The following ZNF277 variants were observed in gnomAD, a reference collection of about 807,000 sequenced individuals.
The protein encoded by ZNF277 is nuclear receptor-interacting factor 4.
Under a neutral mutation model 60.7 loss-of-function variants are expected in ZNF277, and 55 were observed. That is an observed-to-expected ratio of 0.91 (90% CI 0.73 to 1.13). The LOEUF is 1.13. Ranked by LOEUF, ZNF277 falls within the 50% of genes most tolerant of loss-of-function variation. ZNF277 has a pLI of 0.00. For missense variants in ZNF277, 510 were observed against 523.0 expected (o/e 0.98, Z 0.24); for synonymous variants, 178 against 179.3 (o/e 0.99, Z 0.06).
intron 1 of ZNF277, among the ~76,000 whole-genome samples, chr7:112,256,805 T>A (rs1389063407): frequency 6.6e-6 from 1 of 152,022 alleles, no homozygotes; most frequent in Non-Finnish European, 1.5e-5. Flanking sequence ...GCTTGAGAGG[T>A]TTAGTACCAT....
chr7:112,224,215 G>T (rs1269709588), intron 1 of ZNF277, among the ~76,000 whole-genome samples: 1 of 152,170 alleles, frequency 6.6e-6, no homozygotes, highest in Non-Finnish European at 1.5e-5. Flanking sequence ...CTATCTTTTG[G>T]CTTCCCTGGG....
intron 1 of ZNF277, among the ~76,000 whole-genome samples, chr7:112,260,274 G>T (rs1261833637): frequency 1.3e-5 from 2 of 152,076 alleles, no homozygotes; most frequent in African/African-American, 4.8e-5. Flanking sequence ...TCAAAAAACT[G>T]CTTCTACAGC....
chr7:112,249,998 A>T (rs975298268), intron 1 of ZNF277, among the ~76,000 whole-genome samples: 6 of 152,222 alleles, frequency 3.9e-5, no homozygotes, highest in African/African-American at 1.4e-4. Context: ...TAAGAGAGAT[A>T]ACCTTAAACT....
chr7:112,327,293 G>T (rs1049023696), intron 5 of ZNF277, among the ~76,000 whole-genome samples: 2 of 152,110 alleles, frequency 1.3e-5, no homozygotes, highest in Non-Finnish European at 2.9e-5. Flanking sequence ...TAGATCCCTC[G>T]CATGCACAGT....
Position 112,327,792 on chromosome 7 carries a change from T to C in ZNF277, c.633T>C (p.Asn211=), listed in dbSNP as rs1262613665. 3 of 1,612,054 alleles carry C rather than the reference T, an allele frequency of 1.9e-6. No homozygotes were observed. The highest frequency in any genetic ancestry group is 2.7e-5 in the African/African-American group (2 of 74,984). ...TGCCAGACAACATTGTAAACTGCAA[T>C]GAATTTTTGTGTACATTACAGAAAA... ...IGLPDNIVNC[N]EFLCTLQKKL... Residue 211 remains asparagine (N), a synonymous_variant, in exon 6 of 12, where the codon AAT becomes AAC. Transcript: ENST00000361822.
rs1793128050 is a variant in ZNF277 at position 112,327,570 on chromosome 7, C to T, written c.558-147C>T. 5 of 633,544 alleles carry T rather than the reference C, an allele frequency of 7.9e-6. No homozygotes were observed. The East Asian group carries it at 1.4e-4, about 18-fold the overall frequency. 39.2% of individuals were successfully genotyped at this position (633,544 alleles called of 1,614,324 possible). On this transcript the variant is annotated intron_variant, in intron 5 of 11. Coordinates refer to ENST00000361822, the MANE Select transcript of ZNF277 (RefSeq NM_021994.3). ...TGTACACTTACATACTTTATAATGT[C>T]ACTCTTTAATAGCTGAAATCTTTGT...
chr7:112,230,759 T>C (rs768241989), intron 1 of ZNF277, among the ~76,000 whole-genome samples: 1 of 152,242 alleles, frequency 6.6e-6, no homozygotes, highest in Non-Finnish European at 1.5e-5. Flanking sequence ...ATTGGCCATA[T>C]ATTAATACTC....
At chr7:112,273,296 G>A (rs1194558469) in intron 1 of ZNF277, among the ~76,000 whole-genome samples, 3 of 152,116 alleles carry the variant, frequency 2.0e-5, no homozygotes, top group Non-Finnish European at 4.4e-5. Flanking sequence ...TGCACCTGCC[G>A]AGTTCTGCCT....
chr7:112,216,807 C>G (rs1353584002), intron 1 of ZNF277, among the ~76,000 whole-genome samples: 6 of 152,112 alleles, frequency 3.9e-5, no homozygotes, highest in African/African-American at 1.4e-4. Context: ...CTGGATATGG[C>G]CTGAAGAATT....
intron 8 of ZNF277, 131 bp from the exon 9 acceptor site, chr7:112,337,597 CTT>C (rs1793357959): frequency 3.2e-6 from 2 of 621,844 alleles, no homozygotes; most frequent in Non-Finnish European, 5.4e-6. Flanking sequence ...ATGTGACAGT[CTT>C]TACCAAAATG....
intron 4 of ZNF277, among the ~76,000 whole-genome samples, chr7:112,304,273 A>C (rs1792543550): frequency 6.6e-6 from 1 of 152,102 alleles, no homozygotes; most frequent in Admixed American, 6.6e-5. Context: ...AAGTATATTA[A>C]GTATTATTTA....
intron 1 of ZNF277, among the ~76,000 whole-genome samples, chr7:112,262,012 G>C (rs969240241): frequency 6.6e-6 from 1 of 152,008 alleles, no homozygotes; most frequent in Non-Finnish European, 1.5e-5. Flanking sequence ...CTTCTGTTCA[G>C]TGTCTTGTAG....
chr7:112,236,727 C>T (rs141201283), intron 1 of ZNF277, among the ~76,000 whole-genome samples: 3 of 152,138 alleles, frequency 2.0e-5, no homozygotes, highest in African/African-American at 7.2e-5. Flanking sequence ...AACACAATCT[C>T]ATCTTTTAAA....
intron 9 of ZNF277, 140 bp from the exon 10 acceptor site, chr7:112,339,703 G>T: frequency 1.3e-6 from 1 of 749,988 alleles, no homozygotes; most frequent in Non-Finnish European, 2.2e-6. Flanking sequence ...AGTTAGACTT[G>T]GAAGACTTCA....
chr7:112,322,945 C>T (rs1793017303), intron 5 of ZNF277, among the ~76,000 whole-genome samples: 2 of 152,190 alleles, frequency 1.3e-5, no homozygotes, highest in African/African-American at 4.8e-5. Context: ...ATTACTGCTA[C>T]TGTGTGGCCA....
At position 112,336,089 on chromosome 7, in the gene ZNF277, G is replaced by A. The variant is rs780840670; in HGVS notation, c.802-15G>A. On this transcript the variant is annotated splice_polypyrimidine_tract_variant and intron_variant, in intron 7 of 11. Coordinates refer to ENST00000361822, the MANE Select transcript of ZNF277 (RefSeq NM_021994.3). ...TTCCCCCAATGTCTCTCATCCCTCTGTTCTTCCTACAAAGGAACTTGGAAA... is the reference window on the plus strand; with the variant it reads ...TTCCCCCAATGTCTCTCATCCCTCTATTCTTCCTACAAAGGAACTTGGAAA... 6.2e-7 allele frequency: 1 copy of A among 1,608,254 alleles called. No homozygotes were observed. The highest frequency in any genetic ancestry group is 1.3e-5 in the African/African-American group (1 of 74,548).
intron 5 of ZNF277, among the ~76,000 whole-genome samples, chr7:112,323,978 A>G (rs565518856): frequency 6.6e-6 from 1 of 152,346 alleles, no homozygotes; most frequent in Admixed American, 6.5e-5. Flanking sequence ...AAGGAAAAGT[A>G]CATGAAATAA....
intron 1 of ZNF277, among the ~76,000 whole-genome samples, chr7:112,227,736 A>T (rs183446360): frequency 1.1e-3 from 171 of 152,252 alleles, no homozygotes; most frequent in African/African-American, 3.9e-3. Context: ...TCATATTCAT[A>T]CTTCAAATCT....
intron 1 of ZNF277, among the ~76,000 whole-genome samples, chr7:112,274,615 A>G (rs1791750377): frequency 6.6e-6 from 1 of 152,210 alleles, no homozygotes; most frequent in Non-Finnish European, 1.5e-5. Flanking sequence ...AATAGGGATA[A>G]TCTTAGCCCC....
Sources: gnomAD v4.1 joint callset for allele counts (sites outside exome capture counted in the v4.1 genomes callset) on GRCh38, gnomAD v4.1.1 for gene constraint, MANE v1.5 for transcripts, NCBI Gene and HGNC (gene_info 2026-07-23, HGNC 2026-07-21) for gene names.